The following MFAP1 variants were observed in gnomAD, a reference collection of about 807,000 sequenced individuals.
MFAP1 encodes microfibril associated protein 1, also known as microfibrillar-associated protein 1.
MFAP1 carries 18 observed loss-of-function variants against 62.2 expected under a neutral mutation model. The ratio of observed to expected loss-of-function variants is 0.29; its 90% CI spans 0.20 to 0.43. MFAP1 has a LOEUF of 0.43. Among genes scored for constraint, MFAP1 ranks in the 20% least tolerant of loss-of-function variants. MFAP1 has a pLI of 1.00. For missense variants in MFAP1, 355 were observed against 559.7 expected (o/e 0.63, Z 3.69); for synonymous variants, 175 against 180.4 (o/e 0.97, Z 0.24).
At chr15:43,811,467 A>C (rs1190483497) in intron 6 of MFAP1, among the ~76,000 whole-genome samples, 2 of 149,272 alleles carry the variant, frequency 1.3e-5, no homozygotes, top group African/African-American at 4.9e-5. Context: ...GTATGGAGTT[A>C]TCTACTGTGT....
intron 1 of MFAP1, among the ~76,000 whole-genome samples, chr15:43,820,100 T>C (rs532879661): frequency 6.6e-5 from 10 of 151,830 alleles, no homozygotes; most frequent in Non-Finnish European, 1.3e-4. Flanking sequence ...GTGAGCGAGA[T>C]AGCACCACTG....
At position 43,824,553 on chromosome 15, in the gene MFAP1, G is replaced by C; in HGVS notation, c.17C>G (p.Ala6Gly). MSVPS[A>G]LMKQPPIQST... The stretch of plus-strand genomic sequence containing the variant: ...CTGAATGGGCGGTTGCTTCATGAGA[G>C]CGCTTGGGACCGACATGTTGATGGC... The change falls in exon 1 of 9, where the codon GCT (alanine) becomes GGT (glycine). Residue 6 changes from alanine to glycine, a missense_variant. Coordinates refer to ENST00000267812, the MANE Select transcript of MFAP1 (RefSeq NM_005926.3). 1.2e-6 allele frequency: 2 copies of C among 1,614,186 alleles called. No individual in the cohort carries two copies. The highest frequency in any genetic ancestry group is 1.7e-6 in the Non-Finnish European group (2 of 1,180,036).
chr15:43,813,576 T>C (rs544763444), intron 4 of MFAP1, among the ~76,000 whole-genome samples: 10 of 147,492 alleles, frequency 6.8e-5, no homozygotes, highest in South Asian at 2.2e-4. Context: ...AGTGGTGTGA[T>C]CTTGGCTCAC....
chr15:43,810,855 C>G (rs186026941), intron 6 of MFAP1, among the ~76,000 whole-genome samples: 1 of 152,122 alleles, frequency 6.6e-6, no homozygotes, highest in Non-Finnish European at 1.5e-5. Context: ...CTCCCAGGTT[C>G]AAGCTATTCT....
intron 1 of MFAP1, among the ~76,000 whole-genome samples, chr15:43,821,648 AACTTCCAC>A (rs1164365359): frequency 2.4e-4 from 37 of 152,216 alleles, no homozygotes; most frequent in African/African-American, 7.7e-4. Context: ...TTAGACCTCT[AACTTCCAC>A]CACAGACACA....
At chr15:43,822,124 G>A (rs2087470174) in intron 1 of MFAP1, among the ~76,000 whole-genome samples, 1 of 151,410 alleles carries the variant, frequency 6.6e-6, no homozygotes, top group Non-Finnish European at 1.5e-5. Flanking sequence ...AGCATCGGCC[G>A]GACGCAGTAG....
At chr15:43,814,854 G>A in intron 3 of MFAP1, 91 bp downstream of exon 3, 1 of 1,549,564 alleles carries the variant, frequency 6.5e-7, no homozygotes, top group Non-Finnish European at 8.8e-7. Flanking sequence ...CCAAAGCAGT[G>A]ATCTCATGTT....
rs933019902 is a variant in MFAP1, at chr15:43,810,607, T to C, written c.888-693A>G. Among the ~76,000 whole-genome samples the C allele has an allele frequency of 9.2e-5, 14 of 152,112 alleles. 1 individual carries two copies. Among genetic ancestry groups the C allele is most frequent in the Admixed American group, 2.6e-4 (4 of 15,258 alleles). On this transcript the variant is annotated intron_variant, in intron 6 of 8. Transcript: ENST00000267812. ...TGGTCTCAATCTCCTGACCTCGTGA[T>C]CCGCCCGCCTTGGCCTTCCAAAGTG... is the stretch of plus-strand genomic sequence containing the variant.
intron 6 of MFAP1, among the ~76,000 whole-genome samples, chr15:43,810,789 C>G (rs2087395801): frequency 6.6e-6 from 1 of 151,818 alleles, no homozygotes; most frequent in South Asian, 2.1e-4. Context: ...TGGAATCTTG[C>G]TCTGTTGCCC....
rs1327888711 is a variant in MFAP1 at position 43,804,573 on chromosome 15, A to C, written c.*521T>G. ...CATTTTATTTCCAGTATCATGCTAAAAATCTCCTTGTTGTGTGATTCTTTT... is the reference window on the plus strand; with the variant it reads ...CATTTTATTTCCAGTATCATGCTAACAATCTCCTTGTTGTGTGATTCTTTT... On this transcript the variant is annotated 3_prime_UTR_variant, in exon 9 of 9. Transcript: ENST00000267812. 1.3e-5 allele frequency: 2 copies of C among 152,286 alleles called. No individual in the cohort carries two copies. Among genetic ancestry groups the C allele is most frequent in the African/African-American group, 4.8e-5 (2 of 41,446 alleles). 9.4% of individuals were successfully genotyped at this position (152,286 alleles called of 1,614,324 possible). A position where few individuals can be genotyped will look rare whatever the true frequency, so the allele number is the denominator to read the frequency against.
Position 43,824,595 on chromosome 15 carries a change from G to A in MFAP1, c.-26C>T, listed in dbSNP as rs766905166. ...GTTGATGGCAGCGACGGTGATTCCCGAAACTTGACTAATTCCAAACAGTGA... is the reference window on the plus strand; with the variant it reads ...GTTGATGGCAGCGACGGTGATTCCCAAAACTTGACTAATTCCAAACAGTGA... On this transcript the variant is annotated 5_prime_UTR_variant, in exon 1 of 9. Transcript: ENST00000267812. 3 of 1,613,298 alleles carry A rather than the reference G, an allele frequency of 1.9e-6. No homozygotes were observed. Among genetic ancestry groups the A allele is most frequent in the Admixed American group, 1.7e-5 (1 of 59,988 alleles).
rs369526727 is a variant in MFAP1 at position 43,805,896 on chromosome 15, A to G, written c.1048-431T>C. Among the ~76,000 whole-genome samples the G allele has an allele frequency of 8.5e-3, 1,279 of 151,022 alleles. 9 individuals carry two copies. The highest frequency in any genetic ancestry group is 0.014 in the Non-Finnish European group (971 of 67,796). ...CAAAGTGCTGGGATTACAGGTGTGAACCACTGCGCCCGGCCGAGATGATAT... is the reference window on the plus strand; with the variant it reads ...CAAAGTGCTGGGATTACAGGTGTGAGCCACTGCGCCCGGCCGAGATGATAT... On this transcript the variant is annotated intron_variant, in intron 7 of 8. Transcript: ENST00000267812.
At chr15:43,820,406 C>G (rs559959222) in intron 1 of MFAP1, among the ~76,000 whole-genome samples, 1 of 152,202 alleles carries the variant, frequency 6.6e-6, no homozygotes, top group African/African-American at 2.4e-5. Context: ...TATTATGGTT[C>G]TAATTTGGGC....
intron 1 of MFAP1, among the ~76,000 whole-genome samples, chr15:43,821,839 G>A (rs988665324): frequency 3.9e-5 from 6 of 151,944 alleles, no homozygotes; most frequent in Non-Finnish European, 7.4e-5. Context: ...GAGTATCTGT[G>A]ATCTCAGTGC....
intron 7 of MFAP1, among the ~76,000 whole-genome samples, chr15:43,806,951 C>T (rs1017982071): frequency 6.6e-6 from 1 of 152,130 alleles, no homozygotes; most frequent in Non-Finnish European, 1.5e-5. Flanking sequence ...AGCCTTAATC[C>T]ACCTTTTCAG....
At chr15:43,811,508 T>C (rs2141706803) in intron 6 of MFAP1, among the ~76,000 whole-genome samples, 1 of 150,772 alleles carries the variant, frequency 6.6e-6, no homozygotes, top group Non-Finnish European at 1.5e-5. Context: ...TTTTCTTTTT[T>C]TCTTTTTTTT....
chr15:43,819,612 C>G (rs930344506), intron 1 of MFAP1, among the ~76,000 whole-genome samples: 13 of 152,072 alleles, frequency 8.5e-5, no homozygotes, highest in Non-Finnish European at 1.6e-4. Flanking sequence ...CTCACTGCAA[C>G]CTCCGCCCCC....
At chr15:43,805,319 A>G in intron 8 of MFAP1, 43 bp from the exon 9 acceptor site, 5 of 1,600,362 alleles carry the variant, frequency 3.1e-6, no homozygotes, top group Non-Finnish European at 4.3e-6. Flanking sequence ...CAAACAAACC[A>G]TGCCTCAGCT....
chr15:43,814,828 C>G, intron 3 of MFAP1, 117 bp downstream of exon 3: 1 of 1,500,462 alleles, frequency 6.7e-7, no homozygotes, highest in Non-Finnish European at 9.0e-7. Context: ...AAACAAGGAA[C>G]ATGATCAGAG....
Sources: gnomAD v4.1 joint callset for allele counts (sites outside exome capture counted in the v4.1 genomes callset) on GRCh38, gnomAD v4.1.1 for gene constraint, MANE v1.5 for transcripts, NCBI Gene and HGNC (gene_info 2026-07-23, HGNC 2026-07-21) for gene names.